RAP1A: variants seen among roughly 807,000 people sequenced by gnomAD.
RAP1A encodes the protein RAP1A, member of RAS oncogene family.
In RAP1A, 6 loss-of-function variants were observed where a neutral mutation model predicts 26.4. That is an observed-to-expected ratio of 0.23 (90% confidence interval 0.12 to 0.45). The LOEUF is 0.45. Ranked by LOEUF, RAP1A falls within the 20% of genes least tolerant of loss-of-function variation. The pLI, the probability that RAP1A is intolerant of heterozygous loss-of-function variation, is 0.99. For missense variants in RAP1A, 121 were observed against 217.2 expected, an observed-to-expected ratio of 0.56 and a Z score of 2.78; for synonymous variants, 73 against 79.4, an observed-to-expected ratio of 0.92 and a Z score of 0.43.
At chr1:111,691,249 C>A in intron 1 of RAP1A, 85 bp from the exon 2 acceptor site, 2 of 902,016 alleles carry the variant, frequency 2.2e-6, no homozygotes, top group Non-Finnish European at 3.2e-6. Flanking sequence ...AAAAACAAAA[C>A]AAACTCCTAT....
At chr1:111,644,586 G>A (rs577728546) in intron 1 of RAP1A, among the ~76,000 whole-genome samples, 1 of 152,186 alleles carries the variant, frequency 6.6e-6, no homozygotes, top group South Asian at 2.1e-4. Context: ...CCAATAAAGT[G>A]TCACAAGGCT....
chr1:111,664,861 C>A (rs2101166619), intron 1 of RAP1A, among the ~76,000 whole-genome samples: 1 of 152,274 alleles, frequency 6.6e-6, no homozygotes, highest in Middle Eastern at 3.4e-3. Flanking sequence ...TACAGCACTT[C>A]CTGGCACATG....
intron 1 of RAP1A, among the ~76,000 whole-genome samples, chr1:111,564,441 T>C (rs1047557249): frequency 6.6e-6 from 1 of 151,756 alleles, no homozygotes; most frequent in Non-Finnish European, 1.5e-5. Flanking sequence ...GCCCCAGAGA[T>C]TGAAGATGCT....
At chr1:111,618,820 T>TA (rs1553214195), upstream of RAP1A, among the ~76,000 whole-genome samples, 1 of 150,954 alleles carries the variant, frequency 6.6e-6, no homozygotes, top group African/African-American at 2.4e-5. Context: ...AAAATGTATC[T>TA]AAATAAAATA....
chr1:111,626,187 C>T (rs1181477953), intron 1 of RAP1A, among the ~76,000 whole-genome samples: 3 of 152,112 alleles, frequency 2.0e-5, no homozygotes, highest in African/African-American at 4.8e-5. Flanking sequence ...GAACATTTCA[C>T]ATTCTCTTAG....
At chr1:111,616,082 AG>A (rs1242948810), upstream of RAP1A, among the ~76,000 whole-genome samples, 2 of 152,174 alleles carry the variant, frequency 1.3e-5, no homozygotes, top group African/African-American at 4.8e-5. Flanking sequence ...AACAGAAAAG[AG>A]GAAGTCAGGA....
At chr1:111,683,041 A>G (rs1343253320) in intron 1 of RAP1A, among the ~76,000 whole-genome samples, 1 of 152,204 alleles carries the variant, frequency 6.6e-6, no homozygotes, top group Non-Finnish European at 1.5e-5. Flanking sequence ...ACTACATGGA[A>G]ACTGAACAAC....
At chr1:111,554,759 CT>C (rs1657411277) in intron 1 of RAP1A, among the ~76,000 whole-genome samples, 1 of 152,134 alleles carries the variant, frequency 6.6e-6, no homozygotes, top group Non-Finnish European at 1.5e-5. Flanking sequence ...CTTCATGTTT[CT>C]TCAAAGTGAT....
chr1:111,686,222 A>G (rs1260010602), intron 1 of RAP1A, among the ~76,000 whole-genome samples: 2 of 152,188 alleles, frequency 1.3e-5, no homozygotes, highest in Admixed American at 6.5e-5. Context: ...ATGTATACCA[A>G]TGTAACAAAC....
At chr1:111,673,662 T>C (rs1228154704) in intron 1 of RAP1A, among the ~76,000 whole-genome samples, 2 of 152,186 alleles carry the variant, frequency 1.3e-5, no homozygotes, top group African/African-American at 4.8e-5. Flanking sequence ...AGTAAGAAAT[T>C]TTCTGGTGCT....
chr1:111,635,668 C>A (rs1384805122), intron 1 of RAP1A, among the ~76,000 whole-genome samples: 1 of 152,098 alleles, frequency 6.6e-6, no homozygotes, highest in African/African-American at 2.4e-5. Flanking sequence ...AGGGTTCAAG[C>A]AATTCTCATG....
chr1:111,673,586 C>T (rs1661039025), intron 1 of RAP1A, among the ~76,000 whole-genome samples: 1 of 152,164 alleles, frequency 6.6e-6, no homozygotes, highest in South Asian at 2.1e-4. Flanking sequence ...TCAGAATTGA[C>T]TTAAAATTTA....
chr1:111,549,225 T>TG (rs975068333), intron 1 of RAP1A, among the ~76,000 whole-genome samples: 8 of 152,230 alleles, frequency 5.3e-5, no homozygotes, highest in African/African-American at 1.9e-4. Flanking sequence ...TGCCCTTTAT[T>TG]TTTTTAAAAA....
chr1:111,704,369 A>G lies in RAP1A; in HGVS notation c.351A>G (p.Lys117=). 6.2e-7 allele frequency: 1 copy of G among 1,613,882 alleles called. No individual in the cohort carries two copies. Among genetic ancestry groups the G allele is most frequent in the Non-Finnish European group, 8.5e-7 (1 of 1,179,884 alleles). ...TTCCAATGATTTTGGTTGGCAATAA[A>G]TGTGACCTGGAAGATGAGCGAGTAG... ...EDVPMILVGN[K]CDLEDERVVG... Residue 117 remains lysine (K), a synonymous_variant, in exon 6 of 8, where the codon AAA becomes AAG. Transcript: ENST00000369709.
intron 1 of RAP1A, among the ~76,000 whole-genome samples, chr1:111,659,087 A>G (rs1660553272): frequency 6.7e-6 from 1 of 149,342 alleles, no homozygotes; most frequent in Non-Finnish European, 1.5e-5. Flanking sequence ...TTAGCATGAT[A>G]TATTTTTCTT....
rs1267457149 is a variant in RAP1A at position 111,715,930 on chromosome 1, G to A, written c.*3529G>A. The stretch of plus-strand genomic sequence containing the variant: ...GCCTCAGTTTTGTCTTAGGCACTGA[G>A]GGACAGAAAGAGAAATAAGGAATAC... On this transcript the variant is annotated 3_prime_UTR_variant, in exon 8 of 8. Transcript: ENST00000369709. The A allele has an allele frequency of 6.6e-6, 1 of 152,204 alleles. No homozygotes were observed. Among genetic ancestry groups the A allele is most frequent in the Non-Finnish European group, 1.5e-5 (1 of 68,034 alleles). The allele number at this position is 152,204 out of a possible 1,614,324, so 9.4% of individuals were successfully genotyped here. A position where few individuals can be genotyped will look rare whatever the true frequency, so the allele number is the denominator to read the frequency against.
At chr1:111,579,771 T>A (rs1417578053) in intron 1 of RAP1A, among the ~76,000 whole-genome samples, 1 of 151,798 alleles carries the variant, frequency 6.6e-6, no homozygotes, top group East Asian at 1.9e-4. Flanking sequence ...TATTTTAAAA[T>A]AAAGTGTTGA....
intron 1 of RAP1A, among the ~76,000 whole-genome samples, chr1:111,665,823 A>G (rs1002446572): frequency 2.0e-5 from 3 of 152,300 alleles, no homozygotes; most frequent in African/African-American, 7.2e-5. Context: ...CATTCCCAGT[A>G]TTAAACATTT....
intron 2 of RAP1A, among the ~76,000 whole-genome samples, chr1:111,693,177 A>G (rs1369008604): frequency 6.6e-6 from 1 of 152,214 alleles, no homozygotes; most frequent in East Asian, 1.9e-4. Flanking sequence ...AGATGATCAG[A>G]GAGCATAGAG....
Sources: gnomAD v4.1 joint callset for allele counts (sites outside exome capture counted in the v4.1 genomes callset) on GRCh38, gnomAD v4.1.1 for gene constraint, MANE v1.5 for transcripts, NCBI Gene and HGNC (gene_info 2026-07-23, HGNC 2026-07-21) for gene names.